DIAPH2: variants seen among roughly 807,000 people sequenced by gnomAD.
The protein encoded by DIAPH2 is protein diaphanous homolog 2.
Under a neutral mutation model 92.7 loss-of-function variants are expected in DIAPH2, and 35 were observed. That is an observed-to-expected ratio of 0.38 (90% CI 0.29 to 0.50). DIAPH2 has a LOEUF of 0.50. Ranked by LOEUF, DIAPH2 falls within the 20% of genes least tolerant of loss-of-function variation. The pLI, the probability that DIAPH2 is intolerant of heterozygous loss-of-function variation, is 0.94. For missense variants in DIAPH2, 701 were observed against 819.5 expected (o/e 0.86, Z 1.77); for synonymous variants, 301 against 280.4 (o/e 1.07, Z -0.73).
intron 21 of DIAPH2, among the ~76,000 whole-genome samples, chrX:97,119,590 G>T (rs758266800): frequency 1.8e-5 from 2 of 111,974 alleles, no homozygotes; most frequent in African/African-American, 6.5e-5. Context: ...GAGAGGAACC[G>T]GCGGTGGGCA....
intron 23 of DIAPH2, among the ~76,000 whole-genome samples, chrX:97,262,990 A>C (rs1355032714): frequency 8.9e-6 from 1 of 112,324 alleles, no homozygotes; most frequent in Non-Finnish European, 1.9e-5. Flanking sequence ...TTGAAGAAGG[A>C]TCTTTTGACT....
At chrX:97,075,437 A>G (rs1340479479) in intron 19 of DIAPH2, among the ~76,000 whole-genome samples, 176 bp downstream of exon 19, 2 of 112,080 alleles carry the variant, frequency 1.8e-5, no homozygotes, top group Non-Finnish European at 3.8e-5. Flanking sequence ...CTCAGTATAG[A>G]AAATCTAGGT....
At chrX:97,454,761 A>C (rs1035462419) in intron 26 of DIAPH2, among the ~76,000 whole-genome samples, 2 of 110,402 alleles carry the variant, frequency 1.8e-5, no homozygotes, top group East Asian at 5.7e-4. Context: ...AGGCTGAGGC[A>C]GGAGAATCGC....
At chrX:96,785,503 C>CA (rs1219094731) in intron 4 of DIAPH2, among the ~76,000 whole-genome samples, 1 of 57,447 alleles carries the variant, frequency 1.7e-5, no homozygotes, top group East Asian at 1.0e-3. Context: ...TTTTTGGAGA[C>CA]AGAGTTTCGC....
chrX:97,320,841 G>A (rs756663026), intron 23 of DIAPH2, among the ~76,000 whole-genome samples: 1 of 110,553 alleles, frequency 9.0e-6, no homozygotes, highest in African/African-American at 3.3e-5. Context: ...TCAAATGAAA[G>A]ATCTTTTATT....
intron 4 of DIAPH2, among the ~76,000 whole-genome samples, chrX:96,815,262 C>T (rs1024625450): frequency 4.5e-5 from 5 of 112,140 alleles, no homozygotes; most frequent in Non-Finnish European, 7.5e-5. Flanking sequence ...CTCCCCCTGC[C>T]AGGCTGCTGC....
intron 15 of DIAPH2, among the ~76,000 whole-genome samples, chrX:96,955,524 A>T (rs1322991728): frequency 9.0e-6 from 1 of 111,075 alleles, no homozygotes; most frequent in East Asian, 2.8e-4. Context: ...TTAACCCAAA[A>T]GTCCAAGTCC....
chrX:97,490,782 T>C (rs2042438746), intron 26 of DIAPH2, among the ~76,000 whole-genome samples: 1 of 111,763 alleles, frequency 8.9e-6, no homozygotes, highest in African/African-American at 3.2e-5. Context: ...CTGTGTAGGA[T>C]TTCAGTCTTA....
intron 22 of DIAPH2, among the ~76,000 whole-genome samples, chrX:97,155,133 C>G (rs963895161): frequency 2.7e-5 from 3 of 111,992 alleles, no homozygotes; most frequent in African/African-American, 6.5e-5. Flanking sequence ...AGGTGAGATG[C>G]TTATGTATTA....
chrX:96,826,585 A>G (rs2147683075), intron 4 of DIAPH2, among the ~76,000 whole-genome samples: 1 of 111,197 alleles, frequency 9.0e-6, no homozygotes, highest in South Asian at 3.9e-4. Context: ...GTCAAACTGT[A>G]TACCACCATG....
chrX:96,755,290 T>C (rs2064219934), intron 3 of DIAPH2, among the ~76,000 whole-genome samples: 1 of 111,966 alleles, frequency 8.9e-6, no homozygotes, highest in Non-Finnish European at 1.9e-5. Flanking sequence ...ACAAAGTTAT[T>C]ATTCAATAGA....
At chrX:97,481,192 CTG>C (rs894908184) in intron 26 of DIAPH2, among the ~76,000 whole-genome samples, 16 of 111,690 alleles carry the variant, frequency 1.4e-4, no homozygotes, top group African/African-American at 5.2e-4. Flanking sequence ...TTTTACATCT[CTG>C]TGTTTTATTG....
At chrX:97,367,970 C>G (rs181677914) in intron 24 of DIAPH2, among the ~76,000 whole-genome samples, 1 of 112,178 alleles carries the variant, frequency 8.9e-6, no homozygotes, top group East Asian at 2.8e-4. Context: ...TTCGGCCTCC[C>G]AAAGTGCTGG....
intron 16 of DIAPH2, among the ~76,000 whole-genome samples, chrX:96,962,378 TACACATATATATAC>T (rs2065861916): frequency 4.7e-5 from 3 of 64,144 alleles, no homozygotes; most frequent in Non-Finnish European, 8.3e-5. Flanking sequence ...CATATATATA[TACACATATATATAC>T]ACATATATAT....
intron 14 of DIAPH2, among the ~76,000 whole-genome samples, chrX:96,945,908 T>C (rs2065735652): frequency 1.8e-5 from 2 of 112,005 alleles, no homozygotes; most frequent in African/African-American, 6.5e-5. Context: ...CTCCCTTTGC[T>C]TTCTTGCAGC....
At chrX:96,797,148 A>G (rs1251300443) in intron 4 of DIAPH2, among the ~76,000 whole-genome samples, 1 of 110,895 alleles carries the variant, frequency 9.0e-6, no homozygotes, top group Non-Finnish European at 1.9e-5. Flanking sequence ...TAAAGATTTC[A>G]TCCATTGTCT....
chrX:96,801,252 A>G (rs946698856), intron 4 of DIAPH2, among the ~76,000 whole-genome samples: 4 of 112,170 alleles, frequency 3.6e-5, no homozygotes, highest in African/African-American at 1.3e-4. Flanking sequence ...TACAGCAAGC[A>G]ATCATTAAAT....
chrX:97,424,524 G>C (rs1048487112), intron 25 of DIAPH2, among the ~76,000 whole-genome samples: 10 of 112,018 alleles, frequency 8.9e-5, no homozygotes, highest in African/African-American at 3.2e-4. Context: ...AATGAAAAAA[G>C]GTTGAGAGAC....
chrX:96,789,449 A>T (rs1186558372), intron 4 of DIAPH2, among the ~76,000 whole-genome samples: 5 of 112,272 alleles, frequency 4.5e-5, no homozygotes, highest in African/African-American at 1.3e-4. Flanking sequence ...AGGTTCCCAG[A>T]TACCAGCCAA....
Sources: allele counts gnomAD v4.1 joint callset (sites outside exome capture counted in the v4.1 genomes callset), GRCh38; gene constraint gnomAD v4.1.1; transcripts MANE v1.5; gene names NCBI Gene and HGNC (gene_info 2026-07-23, HGNC 2026-07-21).